DNAH10: variants seen among roughly 807,000 people sequenced by gnomAD.
DNAH10 encodes axonemal beta dynein heavy chain 10.
In DNAH10, 348 loss-of-function variants were observed where a neutral mutation model predicts 506.6. The ratio of observed to expected loss-of-function variants is 0.69; its 90% confidence interval spans 0.63 to 0.75. The LOEUF is 0.75. DNAH10 is among the 30% of genes least tolerant of loss of function. The pLI is 0.00. For synonymous variants in DNAH10, 2,059 were observed against 2,198.6 expected, an observed-to-expected ratio of 0.94 and a Z score of 1.78; for missense variants, 5,179 against 5,787.1, an observed-to-expected ratio of 0.89 and a Z score of 3.41.
At chr12:123,863,747 T>C (rs748658284) in intron 39 of DNAH10, among the ~76,000 whole-genome samples, 7 of 152,236 alleles carry the variant, frequency 4.6e-5, no homozygotes, top group Non-Finnish European at 1.0e-4. Context: ...TGCAAAGGCC[T>C]TTCTCCAAAC....
In DNAH10 at chr12:123,898,806, C is replaced by T. The variant is rs747486898; in HGVS notation, c.9632C>T (p.Thr3211Ile). Residue 3211 changes from threonine (T) to isoleucine (I), a missense_variant, in exon 56 of 79, where the codon ACC (threonine) becomes ATC (isoleucine). This residue lies in a region of DNAH10 where 4,844 missense variants were observed against 5,430.5 expected (regional missense o/e 0.89). Coordinates refer to ENST00000673944, the MANE Select transcript of DNAH10 (RefSeq NM_001372106.1). The part of the protein sequence containing the change: ...EALLEEIAVN[T>I]AVAEEKKKLA... ...TTGCTGGAGGAGATCGCCGTCAACA[C>T]CGCTGTAGGTGAGTGAGGGCGGGGC... The T allele has an allele frequency of 3.1e-6, 5 of 1,609,402 alleles. No homozygotes were observed. Among genetic ancestry groups the T allele is most frequent in the Non-Finnish European group, 3.4e-6 (4 of 1,177,628 alleles).
At chr12:123,879,118 A>G in intron 48 of DNAH10, 146 bp from the exon 49 acceptor site, 2 of 624,830 alleles carry the variant, frequency 3.2e-6, no homozygotes, top group South Asian at 4.4e-5. Flanking sequence ...GTTAGATTTC[A>G]TTAACGTGAG....
chr12:123,931,074 G>T (rs1276097311), intron 73 of DNAH10, among the ~76,000 whole-genome samples: 1 of 152,102 alleles, frequency 6.6e-6, no homozygotes, highest in South Asian at 2.1e-4. Flanking sequence ...TATTAGCTGA[G>T]TGTGGTGGTG....
intron 65 of DNAH10, among the ~76,000 whole-genome samples, chr12:123,920,064 T>C (rs7953043): frequency 0.011 from 1,628 of 152,316 alleles, 36 homozygotes; most frequent in African/African-American, 0.037. Context: ...TACAGTATAT[T>C]TAAACCCCTA....
rs1331877434 is a variant in DNAH10 at position 123,771,765 on chromosome 12, G to A, written c.396+67G>A. 6 of 1,315,414 alleles carry A rather than the reference G, an allele frequency of 4.6e-6. No homozygotes were observed. The East Asian group carries it at 1.5e-4, about 33-fold the overall frequency. 81.5% of individuals were successfully genotyped at this position (1,315,414 alleles called of 1,614,324 possible). On this transcript the variant is annotated intron_variant, in intron 3 of 78. Transcript: ENST00000673944. ...CCCTTGATGCCCTCTAGGATTCAGG[G>A]TAACTGACATAGCCCCATCCAAGGG...
At position 123,894,699 on chromosome 12, in the gene DNAH10, C is replaced by T; in HGVS notation, c.9256C>T (p.His3086Tyr). ...CATGCCCTGGCCTCCCCAAGCCCTCCATGCGGTCGCAAAGTCCTTTCTAGG... is the reference window on the plus strand; with the variant it reads ...CATGCCCTGGCCTCCCCAAGCCCTCTATGCGGTCGCAAAGTCCTTTCTAGG... ...WFMPWPPQALHAVAKSFLGYN... is the reference protein window; with the variant it reads ...WFMPWPPQALYAVAKSFLGYN... Residue 3086 changes from histidine (H) to tyrosine (Y), a missense_variant, in exon 54 of 79, where the codon CAT (histidine) becomes TAT (tyrosine). Physicochemically the swap from His to Tyr is moderately conservative, Grantham distance 83. Transcript: ENST00000673944. The T allele has an allele frequency of 6.2e-7, 1 of 1,613,910 alleles. No individual in the cohort carries two copies. Among genetic ancestry groups the T allele is most frequent in the East Asian group, 2.2e-5 (1 of 44,896 alleles).
At position 123,913,042 on chromosome 12, in the gene DNAH10, A is replaced by C. The variant is rs1476374627; in HGVS notation, c.10135-56A>C. The C allele has an allele frequency of 6.6e-7, 1 of 1,519,600 alleles. No individual in the cohort carries two copies. The highest frequency in any genetic ancestry group is 1.4e-5 in the African/African-American group (1 of 72,476). The allele number at this position is 1,519,600 out of a possible 1,614,324, so 94.1% of individuals were successfully genotyped here. ...ATGTGGCCTGGTTTGAGGCCATGGG[A>C]TCGCGGCCCCACCACGGTCCTTTTC... On this transcript the variant is annotated intron_variant, in intron 59 of 78. Coordinates refer to ENST00000673944, the MANE Select transcript of DNAH10 (RefSeq NM_001372106.1). This position sits in a 1 kb window ranked among gnomAD's most constrained non-coding sequence, Gnocchi z 5.1.
At chr12:123,934,293 G>T (rs1401290814) in intron 77 of DNAH10, 2 of 690,742 alleles carry the variant, frequency 2.9e-6, no homozygotes, top group Non-Finnish European at 5.3e-6. Flanking sequence ...CTGGGACCAT[G>T]CATCTTTCTA....
Position 123,894,632 on chromosome 12 carries a change from T to G in DNAH10, c.9200-11T>G. On this transcript the variant is annotated splice_polypyrimidine_tract_variant and intron_variant, in intron 53 of 78. Coordinates refer to ENST00000673944, the MANE Select transcript of DNAH10 (RefSeq NM_001372106.1). ...CTGGGAGCATCTTTTTAATCTCTCT[T>G]TCCTTTCAAGGTATGGTAAATAACA... 6.2e-7 allele frequency: 1 copy of G among 1,613,194 alleles called. No homozygotes were observed. The highest frequency in any genetic ancestry group is 1.1e-5 in the South Asian group (1 of 91,020).
chr12:123,917,542 T>C lies in DNAH10; in HGVS notation c.11003-42T>C. 1 of 1,537,204 alleles carries C rather than the reference T, an allele frequency of 6.5e-7. No individual in the cohort carries two copies. The highest frequency in any genetic ancestry group is 2.5e-5 in the East Asian group (1 of 40,800). On this transcript the variant is annotated intron_variant, in intron 63 of 78. Coordinates refer to ENST00000673944, the MANE Select transcript of DNAH10 (RefSeq NM_001372106.1). This position sits in a 1 kb window ranked among gnomAD's most constrained non-coding sequence, Gnocchi z 5.6. Reference sequence around the variant, plus strand: ...GCAGGGCAGCGGGAGAGACTGTTGTTGGGGGCCGCAGGTGGTGAGGGCCTC... The same window carrying C: ...GCAGGGCAGCGGGAGAGACTGTTGTCGGGGGCCGCAGGTGGTGAGGGCCTC...
intron 11 of DNAH10, among the ~76,000 whole-genome samples, chr12:123,790,740 G>T (rs1217482330): frequency 6.6e-6 from 1 of 152,156 alleles, no homozygotes; most frequent in Admixed American, 6.5e-5. Context: ...TAAATAATTG[G>T]TGATGAACAA....
At chr12:123,834,886 T>A (rs1960970241) in intron 27 of DNAH10, among the ~76,000 whole-genome samples, 1 of 152,250 alleles carries the variant, frequency 6.6e-6, no homozygotes, top group South Asian at 2.1e-4. Flanking sequence ...TAATATTAAA[T>A]CATGTGGATT....
intron 67 of DNAH10, among the ~76,000 whole-genome samples, chr12:123,924,640 GTCCA>G (rs201642127): frequency 6.6e-6 from 1 of 151,582 alleles, no homozygotes; most frequent in African/African-American, 2.4e-5. Flanking sequence ...CTGTCCGTCC[GTCCA>G]TCCATCCATC....
intron 55 of DNAH10, among the ~76,000 whole-genome samples, chr12:123,898,318 C>CT (rs1197913636): frequency 6.6e-6 from 1 of 152,220 alleles, no homozygotes; most frequent in Non-Finnish European, 1.5e-5. Context: ...TCACGTGCTC[C>CT]TCCCGCCTCA....
chr12:123,917,904 G>T lies in DNAH10; in HGVS notation c.11232+91G>T. 5 of 1,390,414 alleles carry T rather than the reference G, an allele frequency of 3.6e-6. No homozygotes were observed. Among genetic ancestry groups the T allele is most frequent in the Non-Finnish European group, 4.9e-6 (5 of 1,019,926 alleles). 86.1% of individuals were successfully genotyped at this position (1,390,414 alleles called of 1,614,324 possible). A position where few individuals can be genotyped will look rare whatever the true frequency, so the allele number is the denominator to read the frequency against. On this transcript the variant is annotated intron_variant, in intron 64 of 78. Coordinates refer to ENST00000673944, the MANE Select transcript of DNAH10 (RefSeq NM_001372106.1). The surrounding 1 kb of genome is among the most constrained non-coding windows in gnomAD (Gnocchi z 5.6). ...TTCTCTGTCTGCTCAATGAGAAAATGGGGCTCTGTGATCTCAGGGCTAAAA... is the reference window on the plus strand; with the variant it reads ...TTCTCTGTCTGCTCAATGAGAAAATTGGGCTCTGTGATCTCAGGGCTAAAA...
At position 123,909,456 on chromosome 12, in the gene DNAH10, C is replaced by T. The variant is rs113752996; in HGVS notation, c.9997+14C>T. ...AAAACATCAAAGGTGAGTGTAGCCA[C>T]GTGTGGGAATCGCCAGGGTGGATCT... On this transcript the variant is annotated intron_variant, in intron 58 of 78. Coordinates refer to ENST00000673944, the MANE Select transcript of DNAH10 (RefSeq NM_001372106.1). The surrounding 1 kb of genome is among the most constrained non-coding windows in gnomAD (Gnocchi z 5.4). 3.2e-3 allele frequency: 4,916 copies of T among 1,551,376 alleles called. 90 individuals carry two copies. In the African/African-American group the frequency reaches 0.051, roughly 16 times the overall value.
At chr12:123,870,853 A>G (rs117823864) in intron 44 of DNAH10, among the ~76,000 whole-genome samples, 6,322 of 152,268 alleles carry the variant, frequency 0.042, 174 homozygotes, top group Non-Finnish European at 0.061. Context: ...GTGTTTTATA[A>G]AGGGCGCTGG....
intron 69 of DNAH10, chr12:123,927,636 G>A (rs1955005429): frequency 6.6e-6 from 1 of 152,424 alleles, no homozygotes; most frequent in South Asian, 2.1e-4. Flanking sequence ...AAAGCTTGCA[G>A]GAAAAGTCTG....
rs1434899544 is a variant in DNAH10 at position 123,861,170 on chromosome 12, A to G, written c.6908A>G (p.Lys2303Arg). Reference protein sequence around the residue: ...INKPTDKKERKYILFDGDVDA... With the variant: ...INKPTDKKERRYILFDGDVDA... ...AAGCCAACAGACAAGAAGGAGCGAA[A>G]GTGAGTATCTTTGTAGGTAGGAAAG... Residue 2303 changes from lysine (K) to arginine (R), a missense_variant and splice_region_variant, in exon 39 of 79, where the codon AAG becomes AGG. By Grantham distance (26) the Lys-to-Arg change is conservative. This residue lies in a region of DNAH10 where 4,844 missense variants were observed against 5,430.5 expected (regional missense o/e 0.89). Coordinates refer to ENST00000673944, the MANE Select transcript of DNAH10 (RefSeq NM_001372106.1). 1 of 1,613,690 alleles carries G rather than the reference A, an allele frequency of 6.2e-7. No individual in the cohort carries two copies. The highest frequency in any genetic ancestry group is 8.5e-7 in the Non-Finnish European group (1 of 1,179,802).
Sources: gnomAD v4.1 joint callset for allele counts (sites outside exome capture counted in the v4.1 genomes callset) on GRCh38, gnomAD v4.1.1 for gene constraint, gnomAD v4.1.1 regional missense constraint, Gnocchi (gnomAD v3.1) non-coding constraint, MANE v1.5 for transcripts, NCBI Gene and HGNC (gene_info 2026-07-23, HGNC 2026-07-21) for gene names.